Variants in HIVEP2 observed in about 807,000 individuals in gnomAD.
The protein encoded by HIVEP2 is transcription factor HIVEP2.
HIVEP2 carries 14 observed loss-of-function variants against 180.7 expected under a neutral mutation model. The observed-to-expected ratio is 0.08, with a 90% confidence interval of 0.05 to 0.12. HIVEP2 has a LOEUF of 0.12. Among genes scored for constraint, HIVEP2 ranks in the 10% least tolerant of loss-of-function variants. The pLI, the probability that HIVEP2 is intolerant of heterozygous loss-of-function variation, is 1.00. For missense variants in HIVEP2, 2,579 were observed against 3,008.5 expected (o/e 0.86, Z 3.34); for synonymous variants, 1,184 against 1,136.4 (o/e 1.04, Z -0.84).
At chr6:142,767,486 A>G (rs548425058) in intron 6 of HIVEP2, among the ~76,000 whole-genome samples, 1 of 152,352 alleles carries the variant, frequency 6.6e-6, no homozygotes, top group East Asian at 1.9e-4. Context: ...TCAAACAAGT[A>G]ACATTATTTC....
Position 142,760,561 on chromosome 6 carries a change from A to G in HIVEP2, c.5727T>C (p.Asp1909=). Residue 1909 remains aspartate (D), a synonymous_variant, in exon 9 of 10, where the codon GAT becomes GAC. Transcript: ENST00000367603. The part of the protein sequence containing the change: ...DAEESDGEDG[D]DNDDDDEDED... ...CATCTTCATCATCATCATCATTATC[A>G]TCTCCATCCTCACCATCTGATTCCT... 1 of 1,613,626 alleles carries G rather than the reference A, an allele frequency of 6.2e-7. No individual in the cohort carries two copies. Among genetic ancestry groups the G allele is most frequent in the African/African-American group, 1.3e-5 (1 of 75,026 alleles).
chr6:142,770,470 C>T lies in HIVEP2; in HGVS notation c.4269G>A (p.Leu1423=), dbSNP rs1775499294. 3.7e-6 allele frequency: 6 copies of T among 1,614,062 alleles called. No individual in the cohort carries two copies. The highest frequency in any genetic ancestry group is 4.2e-6 in the Non-Finnish European group (5 of 1,180,046). The change falls in exon 5 of 10, where the codon TTG becomes TTA. Residue 1423 remains leucine, a synonymous_variant. Transcript: ENST00000367603. The surrounding 1 kb of genome is among the most constrained non-coding windows in gnomAD (Gnocchi z 4.7). ...CGCTGTCAGAGGTGGAAGGTAAACA[C>T]AAGGGGATGGAGGATTCTAAGCCGA... ...LPLGLESSIP[L]CLPSTSDSVA...
At chr6:142,821,691 A>G (rs1358197343) in intron 2 of HIVEP2, among the ~76,000 whole-genome samples, 1 of 152,232 alleles carries the variant, frequency 6.6e-6, no homozygotes, top group Non-Finnish European at 1.5e-5. Flanking sequence ...GAGTTCCTAA[A>G]TTAATTTAAC....
intron 9 of HIVEP2, among the ~76,000 whole-genome samples, chr6:142,757,429 G>A (rs1775104672): frequency 6.6e-6 from 1 of 152,178 alleles, no homozygotes; most frequent in African/African-American, 2.4e-5. Context: ...GGGAGGCCGA[G>A]GCAGGCGGAT....
chr6:142,774,760 T>C lies in HIVEP2; in HGVS notation c.-22A>G, dbSNP rs759969532. On this transcript the variant is annotated 5_prime_UTR_variant, in exon 5 of 10. Coordinates refer to ENST00000367603, the MANE Select transcript of HIVEP2 (RefSeq NM_006734.4). The surrounding 1 kb of genome is among the most constrained non-coding windows in gnomAD (Gnocchi z 5.1). ...CCATTTTGTTACACAAGGTCTTAAG[T>C]GCTAGTTCCCCTGAAAGCAGTGCAG... 3 of 1,607,664 alleles carry C rather than the reference T, an allele frequency of 1.9e-6. No individual in the cohort carries two copies. Among genetic ancestry groups the C allele is most frequent in the Non-Finnish European group, 2.5e-6 (3 of 1,176,524 alleles).
At chr6:142,907,022 G>A (rs992749261) in intron 1 of HIVEP2, among the ~76,000 whole-genome samples, 4 of 152,134 alleles carry the variant, frequency 2.6e-5, no homozygotes, top group Admixed American at 6.5e-5. Flanking sequence ...ATAAAACAAT[G>A]ACTGTTCCAC....
In HIVEP2 at chr6:142,773,447, C is replaced by T; in HGVS notation, c.1292G>A (p.Arg431Gln). 6 of 1,614,144 alleles carry T rather than the reference C, an allele frequency of 3.7e-6. No homozygotes were observed. Among genetic ancestry groups the T allele is most frequent in the Non-Finnish European group, 5.1e-6 (6 of 1,180,038 alleles). The change falls in exon 5 of 10, where the codon CGG (arginine) becomes CAG (glutamine). Residue 431 changes from arginine (R) to glutamine (Q), a missense_variant. Coordinates refer to ENST00000367603, the MANE Select transcript of HIVEP2 (RefSeq NM_006734.4). ...YEEIIFGKYC[R>Q]LSPRNALSVT... is the part of the protein sequence containing the mutation. Reference sequence around the variant, plus strand: ...ACTGAGTGCATTTCTCGGACTAAGCCGACAGTATTTTCCAAAGATGATTTC... The same window carrying T: ...ACTGAGTGCATTTCTCGGACTAAGCTGACAGTATTTTCCAAAGATGATTTC...
chr6:142,780,239 G>A (rs118123488), intron 3 of HIVEP2, among the ~76,000 whole-genome samples: 175 of 152,186 alleles, frequency 1.1e-3, no homozygotes, highest in Non-Finnish European at 1.7e-3. Context: ...GATATCCCAC[G>A]CCATGCTTTC....
chr6:142,769,408 G>A (rs1582839235), intron 5 of HIVEP2, 144 bp downstream of exon 5: 1 of 682,128 alleles, frequency 1.5e-6, no homozygotes. Flanking sequence ...CCACTCCTGA[G>A]TAAGGCCAGA....
Position 142,769,946 on chromosome 6 carries a change from C to T in HIVEP2, c.4793G>A (p.Gly1598Glu), listed in dbSNP as rs770441394. 11 of 1,613,964 alleles carry T rather than the reference C, an allele frequency of 6.8e-6. No homozygotes were observed. The highest frequency in any genetic ancestry group is 1.3e-5 in the African/African-American group (1 of 74,946). ...PAGDGQLEEEGKGHKRPVGML... is the reference protein window; with the variant it reads ...PAGDGQLEEEEKGHKRPVGML... ...GCCAACAGGCCGCTTGTGGCCCTTCCCTTCCTCTTCCAGCTGACCATCTCC... is the reference window on the plus strand; with the variant it reads ...GCCAACAGGCCGCTTGTGGCCCTTCTCTTCCTCTTCCAGCTGACCATCTCC... Residue 1598 changes from glycine (G) to glutamate (E), a missense_variant, in exon 5 of 10, where the codon GGG becomes GAG. Transcript: ENST00000367603.
chr6:142,766,730 G>T (rs1480932820), intron 6 of HIVEP2, among the ~76,000 whole-genome samples: 1 of 152,124 alleles, frequency 6.6e-6, no homozygotes, highest in East Asian at 1.9e-4. Flanking sequence ...TCATACAACA[G>T]TTCTACAGGC....
At chr6:142,935,038 C>T (rs1778020114) in intron 1 of HIVEP2, among the ~76,000 whole-genome samples, 2 of 152,192 alleles carry the variant, frequency 1.3e-5, no homozygotes, top group South Asian at 4.1e-4. Flanking sequence ...ATGGAAGAAT[C>T]ACAGTTCAGC....
At chr6:142,933,128 A>G (rs971875067) in intron 1 of HIVEP2, among the ~76,000 whole-genome samples, 1 of 152,252 alleles carries the variant, frequency 6.6e-6, no homozygotes, top group South Asian at 2.1e-4. Context: ...AAAGAAAGCA[A>G]TGGGAACAGG....
At chr6:142,843,357 GA>G (rs960743426) in intron 1 of HIVEP2, among the ~76,000 whole-genome samples, 1 of 151,978 alleles carries the variant, frequency 6.6e-6, no homozygotes, top group Non-Finnish European at 1.5e-5. Flanking sequence ...AGCTAATACA[GA>G]AAAAAAGTAT....
intron 1 of HIVEP2, among the ~76,000 whole-genome samples, chr6:142,921,408 G>A (rs890759319): frequency 6.6e-6 from 1 of 152,156 alleles, no homozygotes; most frequent in East Asian, 1.9e-4. Context: ...GGTGGCACAC[G>A]CCCGTAATCC....
intron 2 of HIVEP2, among the ~76,000 whole-genome samples, chr6:142,810,743 C>T (rs1194090785): frequency 8.7e-6 from 1 of 115,552 alleles, no homozygotes; most frequent in Non-Finnish European, 1.7e-5. Flanking sequence ...GCCTGGGCAA[C>T]AGAGTAAGAC....
At chr6:142,794,623 T>C (rs533173) in intron 2 of HIVEP2, among the ~76,000 whole-genome samples, 88,345 of 152,082 alleles carry the variant, frequency 0.58, 27,024 homozygotes, top group Non-Finnish European at 0.68. Flanking sequence ...ATCTTTGAGC[T>C]ATGGTCAAAT....
intron 1 of HIVEP2, among the ~76,000 whole-genome samples, chr6:142,921,372 T>C (rs1441264321): frequency 6.6e-6 from 1 of 152,200 alleles, no homozygotes; most frequent in Non-Finnish European, 1.5e-5. Flanking sequence ...CTGTCTCTAT[T>C]AAATATACAA....
At chr6:142,800,202 C>T (rs1776370555) in intron 2 of HIVEP2, among the ~76,000 whole-genome samples, 2 of 152,192 alleles carry the variant, frequency 1.3e-5, no homozygotes, top group African/African-American at 4.8e-5. Context: ...AGGAAGACAG[C>T]ATCACCACAT....
Sources: gnomAD v4.1 joint callset for allele counts (sites outside exome capture counted in the v4.1 genomes callset) on GRCh38, gnomAD v4.1.1 for gene constraint, Gnocchi (gnomAD v3.1) non-coding constraint, MANE v1.5 for transcripts, NCBI Gene and HGNC (gene_info 2026-07-23, HGNC 2026-07-21) for gene names.